Variants in SORCS2 observed in about 807,000 individuals in gnomAD.
SORCS2 encodes VPS10 domain-containing receptor SorCS2.
In SORCS2, 100 loss-of-function variants were observed where a neutral mutation model predicts 141.6. That is an observed-to-expected ratio of 0.71 (90% CI 0.60 to 0.83). The LOEUF is 0.83. SORCS2 is among the 40% of genes least tolerant of loss of function. The probability of loss-of-function intolerance (pLI) is 0.00; values close to 1 mark genes in which losing one functional copy is unlikely to be tolerated. For missense variants in SORCS2, 1,646 were observed against 1,560.2 expected, an observed-to-expected ratio of 1.05 and a Z score of -0.93; for synonymous variants, 789 against 676.9, an observed-to-expected ratio of 1.17 and a Z score of -2.57.
At chr4:7,670,534 C>T (rs1016827791) in intron 8 of SORCS2, among the ~76,000 whole-genome samples, 2 of 152,142 alleles carry the variant, frequency 1.3e-5, no homozygotes, top group Non-Finnish European at 2.9e-5. Context: ...GAAGTGACAT[C>T]AGGATCAGGT....
intron 8 of SORCS2, among the ~76,000 whole-genome samples, chr4:7,668,799 G>A (rs61696364): frequency 0.037 from 5,703 of 152,128 alleles, 325 homozygotes; most frequent in African/African-American, 0.13. Flanking sequence ...GCCTTCCCTC[G>A]ACCTTTGGGG....
At chr4:7,510,034 T>A (rs945255560) in intron 2 of SORCS2, among the ~76,000 whole-genome samples, 1 of 152,256 alleles carries the variant, frequency 6.6e-6, no homozygotes, top group African/African-American at 2.4e-5. Context: ...TAATAGACTG[T>A]AACTGTGCTG....
chr4:7,449,393 G>A (rs1358069154), intron 2 of SORCS2, among the ~76,000 whole-genome samples: 3 of 33,184 alleles, frequency 9.0e-5, no homozygotes, highest in African/African-American at 3.9e-4. Flanking sequence ...CTCCCTCCCA[G>A]CACCTTCACA....
intron 1 of SORCS2, among the ~76,000 whole-genome samples, chr4:7,378,193 CTG>C (rs1722774711): frequency 6.6e-6 from 1 of 152,128 alleles, no homozygotes; most frequent in Non-Finnish European, 1.5e-5. Context: ...AATTTGGTGT[CTG>C]AAAGTAACCT....
At chr4:7,514,108 G>C (rs1732829801) in intron 2 of SORCS2, among the ~76,000 whole-genome samples, 1 of 152,182 alleles carries the variant, frequency 6.6e-6, no homozygotes, top group Non-Finnish European at 1.5e-5. Context: ...AGACCCACAA[G>C]CTGCAAGGGG....
chr4:7,413,315 G>T (rs532230936), intron 2 of SORCS2, among the ~76,000 whole-genome samples: 1 of 150,058 alleles, frequency 6.7e-6, no homozygotes, highest in East Asian at 2.0e-4. Context: ...AAATATGTAC[G>T]TGATTTATAA....
chr4:7,567,333 G>A (rs944148205), intron 3 of SORCS2, among the ~76,000 whole-genome samples: 4 of 152,128 alleles, frequency 2.6e-5, no homozygotes, highest in South Asian at 2.1e-4. Flanking sequence ...AGGACTCCAC[G>A]TTACATGTAG....
chr4:7,660,604 C>A (rs894612586), intron 5 of SORCS2, among the ~76,000 whole-genome samples: 4 of 152,192 alleles, frequency 2.6e-5, no homozygotes, highest in African/African-American at 7.2e-5. Flanking sequence ...CTGAGGAGAG[C>A]ATGCATTTTG....
intron 3 of SORCS2, among the ~76,000 whole-genome samples, chr4:7,565,589 G>A (rs1247850623): frequency 1.3e-5 from 2 of 152,002 alleles, no homozygotes; most frequent in Non-Finnish European, 2.9e-5. Context: ...ATGAAGTGAT[G>A]ATGGTGATGG....
chr4:7,669,111 C>A (rs962033938), intron 8 of SORCS2, among the ~76,000 whole-genome samples: 1 of 152,196 alleles, frequency 6.6e-6, no homozygotes, highest in Non-Finnish European at 1.5e-5. Flanking sequence ...GCTGTGGACC[C>A]TTGACAGTGT....
intron 1 of SORCS2, among the ~76,000 whole-genome samples, chr4:7,259,211 C>G (rs772866659): frequency 6.6e-6 from 1 of 152,120 alleles, no homozygotes; most frequent in Non-Finnish European, 1.5e-5. Flanking sequence ...TTGTGCAGAG[C>G]CTGGCTGACA....
intron 3 of SORCS2, among the ~76,000 whole-genome samples, chr4:7,568,291 A>G (rs1715158363): frequency 6.6e-6 from 1 of 152,254 alleles, no homozygotes; most frequent in African/African-American, 2.4e-5. Flanking sequence ...TTGTGAAGCA[A>G]TTAGGTTCAA....
Position 7,262,963 on chromosome 4 carries a change from G to A in SORCS2, c.480+69837G>A, listed in dbSNP as rs1420564239. On this transcript the variant is annotated intron_variant, in intron 1 of 26. Coordinates refer to ENST00000507866, the MANE Select transcript of SORCS2 (RefSeq NM_020777.3). ...GTTTGAGGAGCTCTGGGAGTCCTAC[G>A]ACTGAGGTCTCTGCCCAGTTTGGTC... is the stretch of plus-strand genomic sequence containing the variant. Among the ~76,000 whole-genome samples, 3 of 152,214 alleles carry A rather than the reference G, an allele frequency of 2.0e-5. No homozygotes were observed. In the East Asian group the frequency reaches 5.8e-4, roughly 29 times the overall value.
In SORCS2 at chr4:7,410,948, C is replaced by CG. The variant is rs1560262247; in HGVS notation, c.548+14593_548+14594insG. On this transcript the variant is annotated intron_variant, in intron 2 of 26. Transcript: ENST00000507866. ...GGGCCCAGCAGCCTCTTCTCTCCAT[C>CG]CTTTTTTTTTTTTTTTTTTTTTTTT... Among the ~76,000 whole-genome samples the CG allele has an allele frequency of 1.3e-3, 125 of 94,572 alleles. 2 individuals are homozygous for CG. The Admixed American group carries it at 0.015, about 11-fold the overall frequency. The allele number at this position is 94,572 out of a possible 152,430, so 62.0% of individuals were successfully genotyped here.
At chr4:7,223,804 C>T (rs1410564964) in intron 1 of SORCS2, among the ~76,000 whole-genome samples, 1 of 152,188 alleles carries the variant, frequency 6.6e-6, no homozygotes, top group African/African-American at 2.4e-5. Context: ...CACCTGTCGC[C>T]TGTGCAGTTA....
At position 7,192,696 on chromosome 4, in the gene SORCS2, C is replaced by A; in HGVS notation, c.50C>A (p.Ala17Asp). ...SRASKGPGPT[A>D]RAPSPGAPPP... ...GCCTCGAAGGGCCCCGGCCCCACCG[C>A]CCGAGCCCCGAGCCCCGGGGCTCCG... Residue 17 changes from alanine to aspartate, a missense_variant, in exon 1 of 27, where the codon GCC becomes GAC. Physicochemically the swap from Ala to Asp is moderately radical, Grantham distance 126. Coordinates refer to ENST00000507866, the MANE Select transcript of SORCS2 (RefSeq NM_020777.3). This position sits in a 1 kb window ranked among gnomAD's most constrained non-coding sequence, Gnocchi z 4.0. 1.0e-6 allele frequency: 1 copy of A among 988,934 alleles called. No individual in the cohort carries two copies. Among genetic ancestry groups the A allele is most frequent in the South Asian group, 4.5e-5 (1 of 22,190 alleles). 61.3% of individuals were successfully genotyped at this position (988,934 alleles called of 1,614,324 possible).
intron 14 of SORCS2, among the ~76,000 whole-genome samples, chr4:7,711,678 G>A (rs143516401): frequency 6.6e-6 from 1 of 152,364 alleles, no homozygotes; most frequent in African/African-American, 2.4e-5. Context: ...TGGGCACACA[G>A]CAATGACTGC....
At chr4:7,651,727 C>A (rs9991615) in intron 4 of SORCS2, among the ~76,000 whole-genome samples, 271 of 152,334 alleles carry the variant, frequency 1.8e-3, no homozygotes, top group African/African-American at 6.3e-3. Context: ...GCACCCTCCC[C>A]CTAGCAACCT....
intron 11 of SORCS2, among the ~76,000 whole-genome samples, chr4:7,696,262 G>A (rs568806802): frequency 5.9e-5 from 9 of 152,250 alleles, no homozygotes; most frequent in South Asian, 4.1e-4. Flanking sequence ...CTTCAATGCC[G>A]TCATCAGGGT....
Sources: allele counts gnomAD v4.1 joint callset (sites outside exome capture counted in the v4.1 genomes callset), GRCh38; gene constraint gnomAD v4.1.1; non-coding constraint Gnocchi (gnomAD v3.1); transcripts MANE v1.5; gene names NCBI Gene and HGNC (gene_info 2026-07-23, HGNC 2026-07-21).